RAD51B: variants seen among roughly 807,000 people sequenced by gnomAD.
RAD51B encodes DNA repair protein RAD51 homolog 2.
In RAD51B, 38 loss-of-function variants were observed where a neutral mutation model predicts 42.2. The ratio of observed to expected loss-of-function variants is 0.90; its 90% confidence interval spans 0.70 to 1.18. RAD51B has a LOEUF of 1.18. Among genes scored for constraint, RAD51B ranks in the 50% most tolerant of loss-of-function variants. The pLI is 0.00. For synonymous variants in RAD51B, 154 were observed against 145.2 expected (o/e 1.06, Z -0.43); for missense variants, 373 against 400.7 (o/e 0.93, Z 0.59).
At chr14:68,471,658 G>A (rs1472240535) in intron 10 of RAD51B, among the ~76,000 whole-genome samples, 2 of 146,044 alleles carry the variant, frequency 1.4e-5, no homozygotes, top group Non-Finnish European at 3.0e-5. Flanking sequence ...TGCTATTGTT[G>A]TAGTAAAATA....
chr14:67,877,425 G>T (rs1164188281), intron 5 of RAD51B, among the ~76,000 whole-genome samples: 1 of 151,982 alleles, frequency 6.6e-6, no homozygotes, highest in Non-Finnish European at 1.5e-5. Context: ...GATTGACTCC[G>T]AGAAAAGATC....
chr14:68,648,072 T>C (rs116988664), intron 10 of RAD51B, among the ~76,000 whole-genome samples: 25,273 of 112,190 alleles, frequency 0.23, 4,285 homozygotes, highest in Non-Finnish European at 0.24. Context: ...TATATATATA[T>C]ACACGTATAT....
chr14:68,160,969 CA>C (rs1266767633), intron 7 of RAD51B, among the ~76,000 whole-genome samples: 1 of 152,180 alleles, frequency 6.6e-6, no homozygotes, highest in Non-Finnish European at 1.5e-5. Flanking sequence ...GAAAAGAGCT[CA>C]AAGCCAAGAC....
intron 7 of RAD51B, among the ~76,000 whole-genome samples, chr14:68,152,319 C>T (rs2588825): frequency 0.79 from 120,441 of 152,072 alleles, 48,241 homozygotes; most frequent in East Asian, 0.98. Context: ...CATATATGTC[C>T]TCAACTACTG....
At position 68,406,850 on chromosome 14, in the gene RAD51B, T is replaced by TTTTTAAAC. The variant is rs142743448; in HGVS notation, c.854-4569_854-4562dup. On this transcript the variant is annotated intron_variant, in intron 8 of 10. Coordinates refer to ENST00000471583, the MANE Select transcript of RAD51B (RefSeq NM_133510.4). The stretch of plus-strand genomic sequence containing the variant: ...TTTCTGTTTTTTAGATTTTTTTACC[T>TTTTTAAAC]TTTTAAACTTTTTTGTTAAAAATTA... Among the ~76,000 whole-genome samples the TTTTTAAAC allele has an allele frequency of 9.5e-3, 1,449 of 152,318 alleles. 24 individuals are homozygous for TTTTTAAAC. Among genetic ancestry groups the TTTTTAAAC allele is most frequent in the African/African-American group, 0.029 (1,222 of 41,556 alleles).
At position 68,356,643 on chromosome 14, in the gene RAD51B, A is replaced by AG. The variant is rs551871938; in HGVS notation, c.854-54776dup. Among the ~76,000 whole-genome samples the AG allele has an allele frequency of 1.0e-3, 156 of 152,126 alleles. 1 individual carries two copies. The highest frequency in any genetic ancestry group is 3.6e-3 in the African/African-American group (150 of 41,496). Reference sequence around the variant, plus strand: ...TAGTGTTGAAGGTTGCTGACTGTTCAGGGGGTGGTTGCTGAAGGTTGGAGT... The same window carrying AG: ...TAGTGTTGAAGGTTGCTGACTGTTCAGGGGGGTGGTTGCTGAAGGTTGGAGT... On this transcript the variant is annotated intron_variant, in intron 8 of 10. Transcript: ENST00000471583.
At chr14:68,599,165 A>T (rs1258051866), downstream of RAD51B, among the ~76,000 whole-genome samples, 1 of 152,164 alleles carries the variant, frequency 6.6e-6, no homozygotes, top group Non-Finnish European at 1.5e-5. Flanking sequence ...CTTTGAACAC[A>T]GGGGGCTGCC....
At chr14:68,033,620 G>A (rs562900680) in intron 7 of RAD51B, among the ~76,000 whole-genome samples, 1 of 152,298 alleles carries the variant, frequency 6.6e-6, no homozygotes, top group South Asian at 2.1e-4. Context: ...AACTCACTGA[G>A]CTGCCTGGTT....
chr14:67,880,551 A>G (rs2042872241), intron 5 of RAD51B, among the ~76,000 whole-genome samples: 1 of 152,244 alleles, frequency 6.6e-6, no homozygotes, highest in Non-Finnish European at 1.5e-5. Flanking sequence ...GCCATAGTGC[A>G]CAGTTTGACA....
intron 4 of RAD51B, among the ~76,000 whole-genome samples, chr14:67,854,905 C>CAGTG (rs1445373611): frequency 1.3e-5 from 2 of 152,142 alleles, no homozygotes; most frequent in Non-Finnish European, 2.9e-5. Flanking sequence ...TTCAAACCTG[C>CAGTG]AGTGGGCTAT....
intron 7 of RAD51B, among the ~76,000 whole-genome samples, chr14:68,250,680 C>T (rs183880105): frequency 1.7e-3 from 261 of 152,278 alleles, no homozygotes; most frequent in African/African-American, 6.1e-3. Flanking sequence ...GCTCACAGCC[C>T]CAGGACAACC....
At chr14:68,603,871 C>T (rs1253011420) in intron 10 of RAD51B, among the ~76,000 whole-genome samples, 1 of 152,244 alleles carries the variant, frequency 6.6e-6, no homozygotes, top group African/African-American at 2.4e-5. Flanking sequence ...CCGTGCCAGA[C>T]GACCAACACC....
chr14:68,356,032 G>A lies in RAD51B; in HGVS notation c.854-55392G>A, dbSNP rs2082890885. Among the ~76,000 whole-genome samples the A allele has an allele frequency of 3.3e-5, 5 of 152,132 alleles. No homozygotes were observed. The South Asian group carries it at 1.0e-3, about 32-fold the overall frequency. ...CCAAATTTGTCTAATTATCTCCCAG[G>A]TTATATAGCCATATCTTGAGGATAT... On this transcript the variant is annotated intron_variant, in intron 8 of 10. Transcript: ENST00000471583.
intron 7 of RAD51B, among the ~76,000 whole-genome samples, chr14:68,028,271 T>G (rs1276420534): frequency 1.3e-5 from 2 of 152,224 alleles, no homozygotes; most frequent in African/African-American, 4.8e-5. Context: ...CAGGTTTGCT[T>G]CTGGGCCTTG....
At chr14:68,093,889 A>C (rs896084670) in intron 7 of RAD51B, among the ~76,000 whole-genome samples, 4 of 152,206 alleles carry the variant, frequency 2.6e-5, no homozygotes, top group African/African-American at 9.7e-5. Flanking sequence ...AGGGTCATCA[A>C]GCATACACAC....
chr14:68,265,102 A>G (rs1040096667), intron 7 of RAD51B, among the ~76,000 whole-genome samples: 1 of 152,218 alleles, frequency 6.6e-6, no homozygotes, highest in African/African-American at 2.4e-5. Context: ...TCACTTTACC[A>G]TTAGGGCTTA....
chr14:68,494,226 G>C (rs1884314763), intron 10 of RAD51B, among the ~76,000 whole-genome samples: 1 of 150,942 alleles, frequency 6.6e-6, no homozygotes, highest in Non-Finnish European at 1.5e-5. Context: ...GTTGTAGTGA[G>C]CTGAGGTCAC....
intron 6 of RAD51B, chr14:67,886,498 C>T (rs886106722): frequency 4.1e-5 from 9 of 218,738 alleles, no homozygotes; most frequent in East Asian, 2.7e-4. Context: ...TGTTCCTTAC[C>T]GTCTGGGCCT....
chr14:68,227,458 A>G (rs1024824024), intron 7 of RAD51B, among the ~76,000 whole-genome samples: 1 of 152,230 alleles, frequency 6.6e-6, no homozygotes, highest in African/African-American at 2.4e-5. Flanking sequence ...AGTAATACTG[A>G]TATCCACCTC....
Sources: allele counts gnomAD v4.1 joint callset (sites outside exome capture counted in the v4.1 genomes callset), GRCh38; gene constraint gnomAD v4.1.1; transcripts MANE v1.5; gene names NCBI Gene and HGNC (gene_info 2026-07-23, HGNC 2026-07-21).